Variants in FSTL5 observed in about 807,000 individuals in gnomAD.
FSTL5 encodes the protein follistatin like 5.
FSTL5 carries 62 observed loss-of-function variants against 89.1 expected under a neutral mutation model. That is an observed-to-expected ratio of 0.70 (90% CI 0.57 to 0.86). The LOEUF is 0.86. FSTL5 is among the 40% of genes least tolerant of loss of function. The probability of loss-of-function intolerance (pLI) is 0.00; values close to 1 mark genes in which losing one functional copy is unlikely to be tolerated. For missense variants in FSTL5, 1,057 were observed against 1,001.6 expected (o/e 1.06, Z -0.75); for synonymous variants, 383 against 346.2 (o/e 1.11, Z -1.18).
chr4:161,471,601 T>C (rs1237246760), intron 13 of FSTL5, among the ~76,000 whole-genome samples: 1 of 152,170 alleles, frequency 6.6e-6, no homozygotes, highest in Non-Finnish European at 1.5e-5. Context: ...TCCTTTAATA[T>C]TTTTAGTAAG....
intron 4 of FSTL5, among the ~76,000 whole-genome samples, chr4:161,833,890 T>C (rs1730937444): frequency 6.6e-6 from 1 of 152,080 alleles, no homozygotes; most frequent in South Asian, 2.1e-4. Context: ...CATTTAAAGT[T>C]AATATTGTGA....
chr4:161,573,812 GA>G (rs1733118101), intron 8 of FSTL5, among the ~76,000 whole-genome samples: 1 of 143,942 alleles, frequency 6.9e-6, no homozygotes, highest in Non-Finnish European at 1.5e-5. Flanking sequence ...GAAAACAAAA[GA>G]AAAGACAGAA....
chr4:161,809,489 G>A (rs1347223032), intron 4 of FSTL5, among the ~76,000 whole-genome samples: 7 of 152,186 alleles, frequency 4.6e-5, no homozygotes, highest in Non-Finnish European at 8.8e-5. Flanking sequence ...CGGTCATACA[G>A]TATTTCCAAA....
intron 2 of FSTL5, among the ~76,000 whole-genome samples, chr4:162,056,750 CTG>C (rs1488013850): frequency 6.6e-6 from 1 of 151,984 alleles, no homozygotes. Flanking sequence ...AGGAATATAA[CTG>C]GGGAGAGGTA....
At chr4:161,529,137 C>T (rs28632801) in intron 10 of FSTL5, among the ~76,000 whole-genome samples, 4,438 of 142,862 alleles carry the variant, frequency 0.031, 606 homozygotes, top group African/African-American at 0.1. Flanking sequence ...CAGTAGTTTA[C>T]GGTTGCTGAA....
At chr4:161,711,514 A>AT (rs1560803154) in intron 6 of FSTL5, among the ~76,000 whole-genome samples, 1 of 152,118 alleles carries the variant, frequency 6.6e-6, no homozygotes, top group South Asian at 2.1e-4. Context: ...AATTAGTAAT[A>AT]TAAAAACTCC....
chr4:161,816,750 G>T (rs1404054933), intron 4 of FSTL5, among the ~76,000 whole-genome samples: 3 of 152,172 alleles, frequency 2.0e-5, no homozygotes, highest in Non-Finnish European at 4.4e-5. Context: ...GAGAGATAAA[G>T]CCTGGGACAA....
At chr4:162,108,046 T>C (rs150165456) in intron 2 of FSTL5, among the ~76,000 whole-genome samples, 214 of 152,268 alleles carry the variant, frequency 1.4e-3, no homozygotes, top group African/African-American at 5.0e-3. Context: ...GAATTTGGAT[T>C]TGGTAATTGT....
At chr4:161,817,737 CAT>C (rs142715040) in intron 4 of FSTL5, among the ~76,000 whole-genome samples, 3,499 of 152,262 alleles carry the variant, frequency 0.023, 87 homozygotes, top group African/African-American at 0.066. Context: ...TGTGTGCACA[CAT>C]GTGTGTATTT....
chr4:161,666,064 T>A (rs2126692689), intron 6 of FSTL5, among the ~76,000 whole-genome samples: 1 of 152,088 alleles, frequency 6.6e-6, no homozygotes, highest in South Asian at 2.1e-4. Flanking sequence ...TTGACAACAT[T>A]AAAATTTAAA....
chr4:162,038,786 T>G (rs984352737), intron 2 of FSTL5, among the ~76,000 whole-genome samples: 25 of 151,896 alleles, frequency 1.6e-4, no homozygotes, highest in African/African-American at 6.0e-4. Flanking sequence ...TTTACCTATT[T>G]CCTTCCTTCT....
intron 7 of FSTL5, among the ~76,000 whole-genome samples, chr4:161,595,891 C>T (rs1470128084): frequency 6.6e-6 from 1 of 151,022 alleles, no homozygotes; most frequent in Non-Finnish European, 1.5e-5. Context: ...TTGTATGGTA[C>T]CAATATTATT....
chr4:162,010,624 A>C (rs569601099), intron 3 of FSTL5, among the ~76,000 whole-genome samples: 1 of 152,310 alleles, frequency 6.6e-6, no homozygotes, highest in Non-Finnish European at 1.5e-5. Context: ...TTCCAGGCCT[A>C]GTAACCACTG....
intron 6 of FSTL5, among the ~76,000 whole-genome samples, chr4:161,674,711 G>A (rs559601422): frequency 1.4e-4 from 22 of 152,272 alleles, no homozygotes; most frequent in African/African-American, 5.1e-4. Context: ...ACCATGCTAG[G>A]AGTTAAGGTC....
intron 7 of FSTL5, among the ~76,000 whole-genome samples, chr4:161,589,195 T>C (rs1033638633): frequency 6.7e-6 from 1 of 148,752 alleles, no homozygotes; most frequent in Non-Finnish European, 1.5e-5. Flanking sequence ...TTTTTTGAGA[T>C]GGAGTTTCAC....
chr4:161,674,426 T>C (rs1438319323), intron 6 of FSTL5, among the ~76,000 whole-genome samples: 1 of 152,170 alleles, frequency 6.6e-6, no homozygotes, highest in African/African-American at 2.4e-5. Context: ...CCCATTGGTT[T>C]CTTTTCCTCA....
chr4:161,572,244 A>G (rs950359563), intron 8 of FSTL5, among the ~76,000 whole-genome samples: 1 of 144,912 alleles, frequency 6.9e-6, no homozygotes, highest in African/African-American at 2.6e-5. Context: ...GTTTGAACCT[A>G]GGAGTTCAGG....
At chr4:162,099,939 A>G (rs1470454608) in intron 2 of FSTL5, among the ~76,000 whole-genome samples, 2 of 152,224 alleles carry the variant, frequency 1.3e-5, no homozygotes, top group Admixed American at 6.5e-5. Context: ...AGGATAGTGG[A>G]GCAATAGGAA....
chr4:161,872,140 G>GTTTTTTTTTTTTTTTTTTTTTTTTTT (rs1491313878), intron 4 of FSTL5, among the ~76,000 whole-genome samples: 2 of 67,506 alleles, frequency 3.0e-5, no homozygotes, highest in Non-Finnish European at 5.6e-5. Context: ...TTTTTTTTTT[G>GTTTTTTTTTTTTTTTTTTTTTTTTTT]GTTTTTTTTT....
Sources: gnomAD v4.1 joint callset for allele counts (sites outside exome capture counted in the v4.1 genomes callset) on GRCh38, gnomAD v4.1.1 for gene constraint, MANE v1.5 for transcripts, NCBI Gene and HGNC (gene_info 2026-07-23, HGNC 2026-07-21) for gene names.